The following PTPRQ variants were observed in gnomAD, a reference collection of about 807,000 sequenced individuals.
PTPRQ encodes the protein phosphatidylinositol phosphatase PTPRQ.
Under a neutral mutation model 246.0 loss-of-function variants are expected in PTPRQ, and 199 were observed. The observed-to-expected ratio is 0.81, with a 90% confidence interval of 0.72 to 0.91. The LOEUF is 0.91. PTPRQ is among the 40% of genes least tolerant of loss of function. The pLI is 0.00. For missense variants in PTPRQ, 2,624 were observed against 2,528.4 expected (o/e 1.04, Z -0.81); for synonymous variants, 869 against 853.2 (o/e 1.02, Z -0.32).
chr12:80,466,573 A>G (rs1296717444), intron 6 of PTPRQ, among the ~76,000 whole-genome samples: 2 of 152,216 alleles, frequency 1.3e-5, no homozygotes, highest in African/African-American at 4.8e-5. Flanking sequence ...AAAAGAACAA[A>G]GCTGGAGGCA....
chr12:80,444,979 G>C (rs1305663258), intron 2 of PTPRQ, 130 bp downstream of exon 2: 97 of 1,087,876 alleles, frequency 8.9e-5, no homozygotes, highest in Non-Finnish European at 1.1e-4. Flanking sequence ...AGGCAAAATG[G>C]AAACAAGAAA....
chr12:80,670,371 T>G lies in PTPRQ; in HGVS notation c.6481T>G (p.Cys2161Gly). The G allele has an allele frequency of 6.4e-7, 1 of 1,550,960 alleles. No homozygotes were observed. The highest frequency in any genetic ancestry group is 1.2e-5 in the South Asian group (1 of 84,026). The change falls in exon 42 of 45, where the codon TGT (cysteine) becomes GGT (glycine). Residue 2161 changes from cysteine to glycine, a missense_variant. Physicochemically the swap from Cys to Gly is radical, Grantham distance 159. Coordinates refer to ENST00000644991, the MANE Select transcript of PTPRQ (RefSeq NM_001145026.2). ...TGGGGATTGCATGACTGTTCGACAG[T>G]GTAACTTTACTGCCTGGCCAGAGCA... is the stretch of plus-strand genomic sequence containing the variant. Reference protein sequence around the residue: ...RHGDCMTVRQCNFTAWPEHGV... With the variant: ...RHGDCMTVRQGNFTAWPEHGV...
At chr12:80,494,882 T>C in intron 10 of PTPRQ, 51 bp from the exon 11 acceptor site, 2 of 1,481,592 alleles carry the variant, frequency 1.3e-6, no homozygotes, top group Non-Finnish European at 1.8e-6. Context: ...ATAATTTTGA[T>C]TGTGAAGCCA....
intron 35 of PTPRQ, among the ~76,000 whole-genome samples, chr12:80,637,345 T>G (rs1899694469): frequency 6.6e-6 from 1 of 152,238 alleles, no homozygotes; most frequent in Non-Finnish European, 1.5e-5. Context: ...TCATTATTTA[T>G]TTTTCCACTT....
At chr12:80,657,180 A>C (rs962907355) in intron 38 of PTPRQ, among the ~76,000 whole-genome samples, 1 of 151,866 alleles carries the variant, frequency 6.6e-6, no homozygotes, top group Admixed American at 6.6e-5. Context: ...TTTTTAAATA[A>C]AAGTGAGAAA....
intron 25 of PTPRQ, among the ~76,000 whole-genome samples, chr12:80,584,939 A>C (rs1374051279): frequency 2.0e-5 from 3 of 151,972 alleles, no homozygotes; most frequent in African/African-American, 7.3e-5. Context: ...TGATAGGTAA[A>C]GATAAAACAG....
intron 33 of PTPRQ, among the ~76,000 whole-genome samples, chr12:80,627,345 T>TATTATA (rs1555207832): frequency 3.5e-5 from 5 of 143,316 alleles, no homozygotes; most frequent in Non-Finnish European, 4.5e-5. Flanking sequence ...ACTCAATTTT[T>TATTATA]ATAATAATAA....
intron 25 of PTPRQ, among the ~76,000 whole-genome samples, chr12:80,572,917 A>G (rs1248463410): frequency 6.6e-6 from 1 of 152,126 alleles, no homozygotes; most frequent in Non-Finnish European, 1.5e-5. Context: ...ATTTTGCTTA[A>G]GATTGTTGTA....
At chr12:80,468,589 CT>C in intron 6 of PTPRQ, 120 bp from the exon 7 acceptor site, 2 of 1,007,710 alleles carry the variant, frequency 2.0e-6, no homozygotes, top group Non-Finnish European at 2.7e-6. Context: ...TAAAAAAACT[CT>C]GCTTTTAAGC....
intron 17 of PTPRQ, among the ~76,000 whole-genome samples, chr12:80,514,857 GA>G: frequency 6.8e-6 from 1 of 146,602 alleles, no homozygotes; most frequent in Non-Finnish European, 1.5e-5. Context: ...TGACTCAGTG[GA>G]AAAGAGTAAG....
chr12:80,562,647 G>T (rs1896861102), intron 25 of PTPRQ, among the ~76,000 whole-genome samples: 1 of 152,000 alleles, frequency 6.6e-6, no homozygotes, highest in Admixed American at 6.6e-5. Context: ...AAAGAAATTT[G>T]TAGCACTAAG....
intron 25 of PTPRQ, among the ~76,000 whole-genome samples, chr12:80,573,218 G>A (rs1004036408): frequency 6.6e-6 from 1 of 152,098 alleles, no homozygotes; most frequent in Non-Finnish European, 1.5e-5. Context: ...GGCCGGGCGC[G>A]GTGGCTCACG....
At position 80,539,821 on chromosome 12, in the gene PTPRQ, G is replaced by A. The variant is rs894008143; in HGVS notation, c.3031G>A (p.Val1011Ile). 6.5e-7 allele frequency: 1 copy of A among 1,547,506 alleles called. No individual in the cohort carries two copies. The highest frequency in any genetic ancestry group is 1.4e-5 in the African/African-American group (1 of 72,864). Residue 1011 changes from valine to isoleucine, a missense_variant, in exon 20 of 45, where the codon GTA (valine) becomes ATA (isoleucine). Coordinates refer to ENST00000644991, the MANE Select transcript of PTPRQ (RefSeq NM_001145026.2). ...AACCAATGACTTTGACAATATGACTGTATCCACAATTATAGATAAACTGAC... is the reference window on the plus strand; with the variant it reads ...AACCAATGACTTTGACAATATGACTATATCCACAATTATAGATAAACTGAC... ...EVTNDFDNMT[V>I]STIIDKLTIF...
chr12:80,676,827 G>T (rs1592787043), intron 43 of PTPRQ, among the ~76,000 whole-genome samples: 1 of 152,104 alleles, frequency 6.6e-6, no homozygotes, highest in East Asian at 1.9e-4. Flanking sequence ...ACATATTTTG[G>T]ATGTCCAGTT....
chr12:80,551,565 T>C (rs997748117), intron 25 of PTPRQ, among the ~76,000 whole-genome samples: 1 of 152,106 alleles, frequency 6.6e-6, no homozygotes, highest in African/African-American at 2.4e-5. Context: ...ATCTGAACAA[T>C]AAAGTTTAGA....
At chr12:80,570,279 C>G (rs1201280528) in intron 25 of PTPRQ, among the ~76,000 whole-genome samples, 1 of 152,214 alleles carries the variant, frequency 6.6e-6, no homozygotes, top group Non-Finnish European at 1.5e-5. Context: ...GCCATTCTAA[C>G]TGGCTTGAGA....
chr12:80,520,603 A>G (rs1322894168), intron 17 of PTPRQ, among the ~76,000 whole-genome samples: 3 of 148,086 alleles, frequency 2.0e-5, no homozygotes, highest in Non-Finnish European at 4.4e-5. Context: ...GAGTGAGAAC[A>G]TGCGGTGTTT....
intron 38 of PTPRQ, among the ~76,000 whole-genome samples, chr12:80,654,711 T>G (rs1300368987): frequency 7.8e-6 from 1 of 128,598 alleles, no homozygotes; most frequent in East Asian, 2.0e-4. Context: ...AAAAAAAAAA[T>G]TAGCCGGGCG....
chr12:80,484,832 T>C (rs896737400), intron 9 of PTPRQ, among the ~76,000 whole-genome samples: 1 of 152,168 alleles, frequency 6.6e-6, no homozygotes, highest in Admixed American at 6.6e-5. Context: ...AAAATGTTAA[T>C]TGTGCAATTA....
Sources: allele counts gnomAD v4.1 joint callset (sites outside exome capture counted in the v4.1 genomes callset), GRCh38; gene constraint gnomAD v4.1.1; transcripts MANE v1.5; gene names NCBI Gene and HGNC (gene_info 2026-07-23, HGNC 2026-07-21).